Variants in BECN1 observed in about 807,000 individuals in gnomAD.
The protein encoded by BECN1 is beclin-1.
Under a neutral mutation model 60.1 loss-of-function variants are expected in BECN1, and 15 were observed. The ratio of observed to expected loss-of-function variants is 0.25; its 90% CI spans 0.17 to 0.38. The LOEUF is 0.38. BECN1 is among the 10% of genes least tolerant of loss of function. The pLI is 1.00. For missense variants in BECN1, 424 were observed against 548.2 expected (o/e 0.77, Z 2.26); for synonymous variants, 179 against 201.8 (o/e 0.89, Z 0.96).
At chr17:42,820,620 A>T (rs2055242584) in intron 3 of BECN1, 154 bp downstream of exon 3, 3 of 654,936 alleles carry the variant, frequency 4.6e-6, no homozygotes, top group Admixed American at 2.6e-5. Flanking sequence ...GATCATGTAG[A>T]ATGTCTCATT....
intron 2 of BECN1, among the ~76,000 whole-genome samples, chr17:42,822,152 G>A (rs1211367753): frequency 6.6e-6 from 1 of 152,228 alleles, no homozygotes; most frequent in South Asian, 2.1e-4. Context: ...GCAGTGAGCC[G>A]AGATCGCGCC....
At chr17:42,819,763 T>C (rs920004970) in intron 3 of BECN1, among the ~76,000 whole-genome samples, 154 bp from the exon 4 acceptor site, 2 of 152,118 alleles carry the variant, frequency 1.3e-5, no homozygotes, top group Admixed American at 1.3e-4. Context: ...GAAGCAATCC[T>C]TGTGTATGTG....
intron 3 of BECN1, 137 bp downstream of exon 3, chr17:42,820,637 A>C: frequency 1.3e-6 from 1 of 754,210 alleles, no homozygotes; most frequent in Non-Finnish European, 2.2e-6. Context: ...CATTACCCAG[A>C]GATCCCAAAA....
chr17:42,812,602 A>T (rs1004872840), intron 10 of BECN1: 1 of 146,622 alleles, frequency 6.8e-6, no homozygotes, highest in Non-Finnish European at 1.5e-5. Context: ...AATCCCAGCT[A>T]CTCGGGAGGA....
At chr17:42,814,920 A>G (rs1424300899) in intron 8 of BECN1, 2 of 510,476 alleles carry the variant, frequency 3.9e-6, no homozygotes, top group Non-Finnish European at 7.0e-6. Context: ...AAAACTGCCA[A>G]CCTCTCCTGA....
rs753997510 is a variant in BECN1 at position 42,812,826 on chromosome 17, C to CTTTT, written c.1042-1033_1042-1030dup. 2.2e-4 allele frequency: 21 copies of CTTTT among 97,170 alleles called. 2 individuals carry two copies. The highest frequency in any genetic ancestry group is 7.6e-4 in the African/African-American group (16 of 21,060). 6.0% of individuals were successfully genotyped at this position (97,170 alleles called of 1,614,324 possible). ...GAAAATTCCATACCTGATACCTTTG[C>CTTTT]TTTTTTTTTTTTTTTTTTTTTTTTT... On this transcript the variant is annotated intron_variant, in intron 10 of 11. Coordinates refer to ENST00000590099, the MANE Select transcript of BECN1 (RefSeq NM_001313998.2).
chr17:42,814,862 C>T (rs1432917727), intron 8 of BECN1, 189 bp from the exon 9 acceptor site: 1 of 706,066 alleles, frequency 1.4e-6, no homozygotes. Flanking sequence ...GATGCCAAAG[C>T]AGAAACCTGG....
rs571388424 is a variant in BECN1, at chr17:42,815,624, G to C, written c.830+284C>G. 4.8e-4 allele frequency: 214 copies of C among 449,360 alleles called. 4 individuals carry two copies. The South Asian group carries it at 6.2e-3, about 13-fold the overall frequency. The allele number at this position is 449,360 out of a possible 1,614,324, so 27.8% of individuals were successfully genotyped here. Reference sequence around the variant, plus strand: ...ACACTCAACAGTTATTAAATTAATGGAACATCAAACACCGTGGGGATAAGA... The same window carrying C: ...ACACTCAACAGTTATTAAATTAATGCAACATCAAACACCGTGGGGATAAGA... On this transcript the variant is annotated intron_variant, in intron 8 of 11. Transcript: ENST00000590099.
chr17:42,823,625 G>A (rs536914222), intron 2 of BECN1, 123 bp downstream of exon 2: 4 of 1,350,342 alleles, frequency 3.0e-6, no homozygotes, highest in African/African-American at 1.5e-5. Flanking sequence ...GCCAGATGAA[G>A]TGACTTTCCT....
chr17:42,818,200 T>G, intron 7 of BECN1, 21 bp downstream of exon 7: 1 of 1,611,244 alleles, frequency 6.2e-7, no homozygotes, highest in African/African-American at 1.3e-5. Flanking sequence ...TGTGAGAAGA[T>G]AGAACAGGGT....
intron 2 of BECN1, among the ~76,000 whole-genome samples, chr17:42,822,498 C>T (rs993837071): frequency 2.6e-5 from 4 of 152,198 alleles, no homozygotes; most frequent in Non-Finnish European, 5.9e-5. Flanking sequence ...TTTAAGCTGC[C>T]TATTCAGTCT....
chr17:42,822,973 A>T (rs2055300642), intron 2 of BECN1, among the ~76,000 whole-genome samples: 1 of 151,752 alleles, frequency 6.6e-6, no homozygotes, highest in Non-Finnish European at 1.5e-5. Context: ...GAGCCATCAC[A>T]TCCAGCAAAT....
intron 7 of BECN1, among the ~76,000 whole-genome samples, chr17:42,816,780 G>T (rs2055155992): frequency 6.6e-6 from 1 of 151,290 alleles, no homozygotes; most frequent in African/African-American, 2.4e-5. Flanking sequence ...ATGCCAGCCT[G>T]GCCAACATGG....
chr17:42,810,661 CAT>C lies in BECN1; in HGVS notation c.*97_*98del. 7.7e-7 allele frequency: 1 copy of C among 1,301,280 alleles called. No individual in the cohort carries two copies. Among genetic ancestry groups the C allele is most frequent in the Admixed American group, 2.5e-5 (1 of 39,946 alleles). The allele number at this position is 1,301,280 out of a possible 1,614,324, so 80.6% of individuals were successfully genotyped here. A position where few individuals can be genotyped will look rare whatever the true frequency, so the allele number is the denominator to read the frequency against. On this transcript the variant is annotated 3_prime_UTR_variant, in exon 12 of 12. Coordinates refer to ENST00000590099, the MANE Select transcript of BECN1 (RefSeq NM_001313998.2). Reference sequence around the variant, plus strand: ...ATTTTTTCTTTTTTGGTATTGTAAACATGTACTGTTTAATATTACCCGAATTT... The same window carrying C: ...ATTTTTTCTTTTTTGGTATTGTAAACGTACTGTTTAATATTACCCGAATTT...
Position 42,824,205 on chromosome 17 carries a change from G to T in BECN1, c.-53C>A. 1 of 416,362 alleles carries T rather than the reference G, an allele frequency of 2.4e-6. No homozygotes were observed. Among genetic ancestry groups the T allele is most frequent in the South Asian group, 7.6e-5 (1 of 13,080 alleles). The allele number at this position is 416,362 out of a possible 1,614,324, so 25.8% of individuals were successfully genotyped here. ...AAGTCCGGTCTACCGCGGAGGCACT[G>T]TGGCCTCGGGTCGGCCCCGGAGCGA... On this transcript the variant is annotated 5_prime_UTR_variant, in exon 1 of 12. Coordinates refer to ENST00000590099, the MANE Select transcript of BECN1 (RefSeq NM_001313998.2).
chr17:42,810,825 T>C lies in BECN1; in HGVS notation c.1288A>G (p.Lys430Glu). Reference protein sequence around the residue: ...NSEEQWTKALKFMLTNLKWGL... With the variant: ...NSEEQWTKALEFMLTNLKWGL... Reference sequence around the variant, plus strand: ...CACTTAAGATTCGTCAGCATGAACTTGAGAGCTTTTGTCCACTGCTCCTCA... The same window carrying C: ...CACTTAAGATTCGTCAGCATGAACTCGAGAGCTTTTGTCCACTGCTCCTCA... Residue 430 changes from lysine (K) to glutamate (E), a missense_variant, in exon 12 of 12, where the codon AAG (lysine) becomes GAG (glutamate). Physicochemically the swap from Lys to Glu is moderately conservative, Grantham distance 56 (BLOSUM62 1). Around this residue, in one of 3 missense-constraint regions of BECN1, gnomAD observed 326 missense variants for 406.2 expected, o/e 0.80. Coordinates refer to ENST00000590099, the MANE Select transcript of BECN1 (RefSeq NM_001313998.2). 1 of 1,613,488 alleles carries C rather than the reference T, an allele frequency of 6.2e-7. No individual in the cohort carries two copies. Among genetic ancestry groups the C allele is most frequent in the South Asian group, 1.1e-5 (1 of 90,900 alleles).
chr17:42,812,921 G>GC (rs1210840730), intron 10 of BECN1: 1 of 125,934 alleles, frequency 7.9e-6, no homozygotes. Context: ...TGTAAGCTCT[G>GC]CCTCCCAGGT....
intron 3 of BECN1, 143 bp from the exon 4 acceptor site, chr17:42,819,752 CGAAGCA>C: frequency 2.6e-6 from 2 of 776,742 alleles, no homozygotes; most frequent in Admixed American, 2.8e-5. Context: ...TGGGTATTAT[CGAAGCA>C]ATCCTTGTGT....
intron 8 of BECN1, chr17:42,815,563 C>T (rs1567670079): frequency 1.1e-5 from 3 of 276,434 alleles, no homozygotes; most frequent in Non-Finnish European, 2.1e-5. Flanking sequence ...TGCTGTTGCC[C>T]TCCTAGCACT....
Sources: allele counts gnomAD v4.1 joint callset (sites outside exome capture counted in the v4.1 genomes callset), GRCh38; gene constraint gnomAD v4.1.1; regional missense constraint gnomAD v4.1.1; transcripts MANE v1.5; gene names NCBI Gene and HGNC (gene_info 2026-07-23, HGNC 2026-07-21).